The following SCAPER variants were observed in gnomAD, a reference collection of about 807,000 sequenced individuals.
SCAPER encodes the protein S-phase cyclin A associated protein in the ER, also known as S phase cyclin A-associated protein in the endoplasmic reticulum.
Under a neutral mutation model 182.2 loss-of-function variants are expected in SCAPER, and 98 were observed. That is an observed-to-expected ratio of 0.54 (90% CI 0.46 to 0.64). The LOEUF (loss-of-function observed/expected upper bound fraction) is 0.64. Among genes scored for constraint, SCAPER ranks in the 30% least tolerant of loss-of-function variants. The probability of loss-of-function intolerance (pLI) is 0.00; values close to 1 mark genes in which losing one functional copy is unlikely to be tolerated. For missense variants in SCAPER, 1,432 were observed against 1,690.0 expected (o/e 0.85, Z 2.68); for synonymous variants, 605 against 564.6 (o/e 1.07, Z -1.01).
At chr15:76,815,517 C>T (rs573808537) in intron 5 of SCAPER, among the ~76,000 whole-genome samples, 1 of 152,286 alleles carries the variant, frequency 6.6e-6, no homozygotes, top group South Asian at 2.1e-4. Context: ...CTTACAAAAA[C>T]CTGGATGGTA....
At chr15:76,448,826 T>A (rs956545119) in intron 25 of SCAPER, among the ~76,000 whole-genome samples, 2 of 152,164 alleles carry the variant, frequency 1.3e-5, no homozygotes, top group African/African-American at 4.8e-5. Context: ...GAATAGTGAA[T>A]CTGCAGTGTG....
chr15:76,804,233 G>A (rs370407139), intron 6 of SCAPER, among the ~76,000 whole-genome samples: 11 of 152,244 alleles, frequency 7.2e-5, no homozygotes, highest in Non-Finnish European at 1.3e-4. Context: ...CTGAAGAACC[G>A]TAATAGTTTT....
At chr15:76,882,948 G>T (rs1462228088) in intron 2 of SCAPER, among the ~76,000 whole-genome samples, 1 of 152,168 alleles carries the variant, frequency 6.6e-6, no homozygotes, top group Non-Finnish European at 1.5e-5. Flanking sequence ...ACAGGCGTGA[G>T]CCACCGTGCC....
intron 21 of SCAPER, among the ~76,000 whole-genome samples, chr15:76,654,976 G>A (rs1170786719): frequency 3.9e-5 from 6 of 152,264 alleles, no homozygotes; most frequent in African/African-American, 9.6e-5. Context: ...CAAGAACTAC[G>A]GTATCTCAAA....
chr15:76,888,458 G>A (rs2073979637), intron 1 of SCAPER, among the ~76,000 whole-genome samples: 1 of 152,170 alleles, frequency 6.6e-6, no homozygotes, highest in Non-Finnish European at 1.5e-5. Context: ...TAACTAGAAT[G>A]AACAGTGGAG....
intron 22 of SCAPER, among the ~76,000 whole-genome samples, chr15:76,618,572 A>C (rs969180355): frequency 1.6e-4 from 24 of 151,904 alleles, no homozygotes; most frequent in African/African-American, 5.8e-4. Context: ...AGTCTTTTAT[A>C]TCTCTTGTTA....
intron 5 of SCAPER, among the ~76,000 whole-genome samples, chr15:76,815,629 G>A (rs1024151500): frequency 1.3e-5 from 2 of 152,170 alleles, no homozygotes; most frequent in African/African-American, 4.8e-5. Flanking sequence ...TGAGCAGTGG[G>A]CCAGTAAACA....
intron 29 of SCAPER, among the ~76,000 whole-genome samples, chr15:76,363,662 G>C (rs1374188499): frequency 1.3e-5 from 2 of 152,170 alleles, no homozygotes; most frequent in Non-Finnish European, 2.9e-5. Context: ...CCTTGTCAGA[G>C]ACAAGGTGTC....
At chr15:76,605,935 C>T (rs1287673622) in intron 22 of SCAPER, among the ~76,000 whole-genome samples, 3 of 152,056 alleles carry the variant, frequency 2.0e-5, no homozygotes, top group Non-Finnish European at 4.4e-5. Flanking sequence ...GTCTTGCTAG[C>T]GGTCTATCAA....
At chr15:76,785,384 G>A (rs1232618083) in intron 8 of SCAPER, among the ~76,000 whole-genome samples, 1 of 152,186 alleles carries the variant, frequency 6.6e-6, no homozygotes, top group African/African-American at 2.4e-5. Context: ...AACAACAGAT[G>A]CTGGCAAGGA....
intron 23 of SCAPER, among the ~76,000 whole-genome samples, chr15:76,534,206 C>T (rs944075690): frequency 2.6e-5 from 4 of 152,104 alleles, no homozygotes; most frequent in Non-Finnish European, 5.9e-5. Context: ...TCTACAGTTC[C>T]CCTGTATTTG....
chr15:76,392,934 T>C (rs756480315), intron 27 of SCAPER, among the ~76,000 whole-genome samples: 2 of 152,200 alleles, frequency 1.3e-5, no homozygotes, highest in Non-Finnish European at 2.9e-5. Flanking sequence ...CCTTGTCCCC[T>C]GTGAGAATGG....
chr15:76,862,632 A>T, intron 2 of SCAPER, 99 bp from the exon 3 acceptor site: 1 of 739,056 alleles, frequency 1.4e-6, no homozygotes, highest in South Asian at 2.5e-5. Flanking sequence ...GAAAGAAAAC[A>T]CTTAAAACTA....
chr15:76,626,509 GAGT>G (rs747188848), intron 21 of SCAPER, among the ~76,000 whole-genome samples: 1 of 152,160 alleles, frequency 6.6e-6, no homozygotes, highest in Non-Finnish European at 1.5e-5. Flanking sequence ...TTGAGGTCAG[GAGT>G]TCAAGACCAG....
chr15:76,427,682 T>TA (rs1486974774), intron 26 of SCAPER, among the ~76,000 whole-genome samples: 5 of 151,798 alleles, frequency 3.3e-5, no homozygotes, highest in African/African-American at 9.7e-5. Flanking sequence ...CCTGTCTCTA[T>TA]AAAAAAAATT....
chr15:76,885,894 A>C (rs754494676), intron 1 of SCAPER, among the ~76,000 whole-genome samples: 1 of 152,234 alleles, frequency 6.6e-6, no homozygotes, highest in Non-Finnish European at 1.5e-5. Context: ...AAGAAGACTA[A>C]ACATTCATCT....
At chr15:76,775,215 C>T (rs1426965612) in intron 8 of SCAPER, 98 bp from the exon 9 acceptor site, 1 of 1,050,750 alleles carries the variant, frequency 9.5e-7, no homozygotes, top group Non-Finnish European at 1.3e-6. Context: ...TAATTCCCAA[C>T]AAATATAACT....
At chr15:76,401,862 G>A (rs1200454366) in intron 27 of SCAPER, among the ~76,000 whole-genome samples, 1 of 152,078 alleles carries the variant, frequency 6.6e-6, no homozygotes, top group Non-Finnish European at 1.5e-5. Context: ...AACAGGTTAC[G>A]GGCCAGGCGC....
intron 2 of SCAPER, among the ~76,000 whole-genome samples, chr15:76,875,901 G>A (rs954848057): frequency 2.0e-5 from 3 of 152,174 alleles, no homozygotes; most frequent in African/African-American, 7.2e-5. Flanking sequence ...GGAGGCTCGG[G>A]CCGCGCAGGA....
Sources: gnomAD v4.1 joint callset for allele counts (sites outside exome capture counted in the v4.1 genomes callset) on GRCh38, gnomAD v4.1.1 for gene constraint, MANE v1.5 for transcripts, NCBI Gene and HGNC (gene_info 2026-07-23, HGNC 2026-07-21) for gene names.